Variants in SORCS2 observed in about 807,000 individuals in gnomAD.
The protein encoded by SORCS2 is sortilin related VPS10 domain containing receptor 2.
Under a neutral mutation model 141.6 loss-of-function variants are expected in SORCS2, and 100 were observed. That is an observed-to-expected ratio of 0.71 (90% CI 0.60 to 0.83). The LOEUF is 0.83. Ranked by LOEUF, SORCS2 falls within the 40% of genes least tolerant of loss-of-function variation. SORCS2 has a pLI of 0.00. For missense variants in SORCS2, 1,646 were observed against 1,560.2 expected (o/e 1.05, Z -0.93); for synonymous variants, 789 against 676.9 (o/e 1.17, Z -2.57).
intron 1 of SORCS2, among the ~76,000 whole-genome samples, chr4:7,290,738 A>G (rs1056264301): frequency 1.4e-4 from 22 of 152,186 alleles, no homozygotes; most frequent in Non-Finnish European, 2.9e-4. Context: ...TGGGGAATGT[A>G]GGGCAGGGCT....
intron 3 of SORCS2, among the ~76,000 whole-genome samples, chr4:7,621,250 C>A (rs1444171740): frequency 6.6e-6 from 1 of 152,192 alleles, no homozygotes; most frequent in Non-Finnish European, 1.5e-5. Context: ...GGTTCCGAAG[C>A]CTTCCTCTCC....
chr4:7,426,300 C>G (rs887448979), intron 2 of SORCS2, among the ~76,000 whole-genome samples: 7 of 36,576 alleles, frequency 1.9e-4, no homozygotes, highest in Non-Finnish European at 4.3e-4. Context: ...TGGCTTTGAG[C>G]CAGGGGAGGC....
intron 1 of SORCS2, among the ~76,000 whole-genome samples, chr4:7,355,691 G>C (rs192488658): frequency 3.1e-4 from 47 of 152,324 alleles, no homozygotes; most frequent in Non-Finnish European, 5.0e-4. Context: ...TGGGCCCCCA[G>C]AGCGCATGAA....
At chr4:7,530,133 C>A (rs113042507) in intron 2 of SORCS2, among the ~76,000 whole-genome samples, 6,058 of 152,316 alleles carry the variant, frequency 0.04, 166 homozygotes, top group Middle Eastern at 0.095. Flanking sequence ...GGAAACGTCT[C>A]CAAGTAGAAA....
rs552055724 is a variant in SORCS2 at position 7,281,352 on chromosome 4, C to T, written c.480+88226C>T. ...TGTTGGCAAAACTGTCTCATTTCTC[C>T]GTAGCCCCTTCATTCGGGGTGTCCC... On this transcript the variant is annotated intron_variant, in intron 1 of 26. Coordinates refer to ENST00000507866, the MANE Select transcript of SORCS2 (RefSeq NM_020777.3). Among the ~76,000 whole-genome samples the T allele has an allele frequency of 6.6e-5, 10 of 152,234 alleles. No individual in the cohort carries two copies. The East Asian group carries it at 7.7e-4, about 12-fold the overall frequency.
chr4:7,689,524 C>T lies in SORCS2; in HGVS notation c.1527C>T (p.Asp509=), dbSNP rs764912606. Residue 509 remains aspartate (D), a synonymous_variant, in exon 11 of 27, where the codon GAC becomes GAT. Coordinates refer to ENST00000507866, the MANE Select transcript of SORCS2 (RefSeq NM_020777.3). ...CHLHLHLRWA[D]NPYVSGTVHT... ...TGCACCTGCACCTGCGCTGGGCAGA[C>T]AACCCCTACGTATCAGGCACCGTGC... is the stretch of plus-strand genomic sequence containing the variant. 2.5e-6 allele frequency: 4 copies of T among 1,606,736 alleles called. No homozygotes were observed. Among genetic ancestry groups the T allele is most frequent in the Middle Eastern group, 1.6e-4 (1 of 6,078 alleles).
chr4:7,449,815 C>G (rs1225499827), intron 2 of SORCS2, among the ~76,000 whole-genome samples: 1 of 152,188 alleles, frequency 6.6e-6, no homozygotes, highest in Non-Finnish European at 1.5e-5. Flanking sequence ...ACTAGCCAGA[C>G]ATTTCTTCAT....
chr4:7,427,261 C>A (rs911815563), intron 2 of SORCS2, among the ~76,000 whole-genome samples: 6 of 152,086 alleles, frequency 3.9e-5, no homozygotes, highest in African/African-American at 1.2e-4. Context: ...CTGGGGGGGG[C>A]TTTGAGTCAC....
intron 26 of SORCS2, among the ~76,000 whole-genome samples, chr4:7,739,680 G>C (rs1249491942): frequency 6.6e-6 from 1 of 152,128 alleles, no homozygotes; most frequent in African/African-American, 2.4e-5. Context: ...CGTGTCTCCC[G>C]GTGCCCTTGA....
chr4:7,417,498 C>A (rs1725777029), intron 2 of SORCS2, among the ~76,000 whole-genome samples: 1 of 152,160 alleles, frequency 6.6e-6, no homozygotes, highest in Admixed American at 6.5e-5. Context: ...CATGGGCACC[C>A]TAATTCTGGA....
intron 1 of SORCS2, among the ~76,000 whole-genome samples, chr4:7,302,766 C>CGTGTGTGTGTGTGTGTGT (rs766083519): frequency 3.8e-5 from 2 of 52,008 alleles, no homozygotes; most frequent in Non-Finnish European, 1.4e-4. Flanking sequence ...AGACAGTCCA[C>CGTGTGTGTGTGTGTGTGT]ATATGTGTGT....
At chr4:7,471,329 A>T (rs910292281) in intron 2 of SORCS2, among the ~76,000 whole-genome samples, 1 of 152,076 alleles carries the variant, frequency 6.6e-6, no homozygotes, top group African/African-American at 2.4e-5. Context: ...TCATGAGGAG[A>T]CAGTGGCTCT....
chr4:7,598,906 C>T (rs1717464679), intron 3 of SORCS2, among the ~76,000 whole-genome samples: 1 of 152,198 alleles, frequency 6.6e-6, no homozygotes, highest in South Asian at 2.1e-4. Context: ...CACGAGGAGC[C>T]CTGCAGTGTG....
chr4:7,649,826 G>A (rs1052501467), intron 4 of SORCS2, among the ~76,000 whole-genome samples: 5 of 152,164 alleles, frequency 3.3e-5, no homozygotes, highest in African/African-American at 1.2e-4. Flanking sequence ...TGGCAGCGGT[G>A]TCTGCAACAG....
Position 7,221,250 on chromosome 4 carries a change from A to G in SORCS2, c.480+28124A>G, listed in dbSNP as rs529834936. Among the ~76,000 whole-genome samples the G allele has an allele frequency of 1.4e-3, 219 of 152,316 alleles. 4 individuals are homozygous for G. The highest frequency in any genetic ancestry group is 0.014 in the Admixed American group (216 of 15,306). On this transcript the variant is annotated intron_variant, in intron 1 of 26. Transcript: ENST00000507866. The stretch of plus-strand genomic sequence containing the variant: ...TTATTCGCAGACTTTGGTGTGTGTC[A>G]GAATCTCCTGAGGACTTGTTGTAAA...
At chr4:7,469,407 G>C (rs552323622) in intron 2 of SORCS2, among the ~76,000 whole-genome samples, 22 of 152,202 alleles carry the variant, frequency 1.4e-4, no homozygotes, top group Non-Finnish European at 2.9e-4. Context: ...GGTTGCTTCT[G>C]TGCAAACCCT....
At chr4:7,283,894 T>C (rs913942496) in intron 1 of SORCS2, among the ~76,000 whole-genome samples, 2 of 152,084 alleles carry the variant, frequency 1.3e-5, no homozygotes, top group African/African-American at 4.8e-5. Context: ...ACTTGAGGAC[T>C]TGGGCCATAG....
intron 1 of SORCS2, among the ~76,000 whole-genome samples, chr4:7,279,721 C>A (rs1458956240): frequency 6.6e-6 from 1 of 152,140 alleles, no homozygotes; most frequent in East Asian, 1.9e-4. Context: ...AGGGTGGAGT[C>A]CATTCATAGG....
chr4:7,389,125 A>G (rs1443398265), intron 1 of SORCS2, among the ~76,000 whole-genome samples: 1 of 152,070 alleles, frequency 6.6e-6, no homozygotes, highest in Admixed American at 6.5e-5. Flanking sequence ...TTGGTGAACA[A>G]ATTCTGTTCC....
Sources: gnomAD v4.1 joint callset for allele counts (sites outside exome capture counted in the v4.1 genomes callset) on GRCh38, gnomAD v4.1.1 for gene constraint, MANE v1.5 for transcripts, NCBI Gene and HGNC (gene_info 2026-07-23, HGNC 2026-07-21) for gene names.